Variants in ABCC4 observed in about 807,000 individuals in gnomAD.
The protein encoded by ABCC4 is ATP binding cassette subfamily C member 4 (PEL blood group).
A neutral mutation model predicts 168.5 loss-of-function variants in ABCC4; 102 were observed. That is an observed-to-expected ratio of 0.61 (90% CI 0.52 to 0.71). ABCC4 has a LOEUF of 0.71. ABCC4 is among the 30% of genes least tolerant of loss of function. The pLI, the probability that ABCC4 is intolerant of heterozygous loss-of-function variation, is 0.00. For missense variants in ABCC4, 1,402 were observed against 1,605.8 expected, an observed-to-expected ratio of 0.87 and a Z score of 2.17; for synonymous variants, 617 against 590.7, an observed-to-expected ratio of 1.04 and a Z score of -0.65.
chr13:95,268,960 G>A (rs554703753), intron 1 of ABCC4, among the ~76,000 whole-genome samples: 1 of 152,136 alleles, frequency 6.6e-6, no homozygotes, highest in East Asian at 1.9e-4. Flanking sequence ...CGTCCCACCC[G>A]ATGAGAAACA....
chr13:95,100,488 G>A (rs2034758431), intron 20 of ABCC4, among the ~76,000 whole-genome samples: 1 of 152,122 alleles, frequency 6.6e-6, no homozygotes, highest in South Asian at 2.1e-4. Flanking sequence ...AAAAGAAAAG[G>A]TAAAGGAATT....
intron 11 of ABCC4, among the ~76,000 whole-genome samples, chr13:95,182,875 C>T (rs143316360): frequency 1.9e-3 from 291 of 152,262 alleles, no homozygotes; most frequent in African/African-American, 6.4e-3. Context: ...TCATTTGCTA[C>T]GATATCTCTT....
At chr13:95,025,623 T>C in intron 30 of ABCC4, among the ~76,000 whole-genome samples, 1 of 151,144 alleles carries the variant, frequency 6.6e-6, no homozygotes, top group Admixed American at 6.6e-5. Flanking sequence ...CTATCTGGTC[T>C]AGGAAGAGTT....
Position 95,053,078 on chromosome 13 carries a change from T to A in ABCC4, c.3456+17A>T, listed in dbSNP as rs1274149133. On this transcript the variant is annotated intron_variant, in intron 27 of 30. Coordinates refer to ENST00000645237, the MANE Select transcript of ABCC4 (RefSeq NM_005845.5). Reference sequence around the variant, plus strand: ...CTGAGGCTAACAGACTAAAGATAATTACATTTTATCAATTACCTCTTGTAA... The same window carrying A: ...CTGAGGCTAACAGACTAAAGATAATAACATTTTATCAATTACCTCTTGTAA... The A allele has an allele frequency of 6.3e-7, 1 of 1,599,872 alleles. No homozygotes were observed. The highest frequency in any genetic ancestry group is 8.6e-7 in the Non-Finnish European group (1 of 1,167,024).
At chr13:95,210,817 T>C in intron 4 of ABCC4, 36 bp from the exon 5 acceptor site, 2 of 1,516,932 alleles carry the variant, frequency 1.3e-6, no homozygotes, top group Non-Finnish European at 1.8e-6. Flanking sequence ...ATTGTATTCA[T>C]GCAGTGATAC....
intron 19 of ABCC4, among the ~76,000 whole-genome samples, chr13:95,117,255 TAA>T (rs5805902): frequency 1.5e-3 from 207 of 135,938 alleles, no homozygotes; most frequent in Non-Finnish European, 1.7e-3. Context: ...TCATGCCTGT[TAA>T]AAAAAAAAAA....
At chr13:95,050,130 C>T (rs1279283328) in intron 27 of ABCC4, among the ~76,000 whole-genome samples, 4 of 152,168 alleles carry the variant, frequency 2.6e-5, no homozygotes, top group African/African-American at 9.7e-5. Flanking sequence ...GCACCAGAGT[C>T]GTGGTGCTGA....
At chr13:95,144,163 T>C (rs2036409937) in intron 19 of ABCC4, among the ~76,000 whole-genome samples, 1 of 152,062 alleles carries the variant, frequency 6.6e-6, no homozygotes, top group African/African-American at 2.4e-5. Context: ...TTTTTAAACA[T>C]ATGATTAATA....
At position 95,181,164 on chromosome 13, in the gene ABCC4, T is replaced by C. The variant is rs75384596; in HGVS notation, c.1546-3073A>G. ...TTTACTGAAATGCAGACACAGAAAC[T>C]AGAGAAAAACCATGACGTGGCTATG... On this transcript the variant is annotated intron_variant, in intron 11 of 30. Transcript: ENST00000645237. Among the ~76,000 whole-genome samples the C allele has an allele frequency of 3.3e-5, 5 of 152,286 alleles. No individual in the cohort carries two copies. In the East Asian group the frequency reaches 7.7e-4, roughly 23 times the overall value.
chr13:95,244,045 T>C (rs890051471), intron 3 of ABCC4, among the ~76,000 whole-genome samples: 1 of 152,128 alleles, frequency 6.6e-6, no homozygotes, highest in Non-Finnish European at 1.5e-5. Flanking sequence ...CCAATCTGAT[T>C]TCCCACAGCC....
intron 3 of ABCC4, among the ~76,000 whole-genome samples, chr13:95,240,658 G>A (rs967306168): frequency 2.6e-5 from 4 of 152,066 alleles, no homozygotes; most frequent in Non-Finnish European, 5.9e-5. Context: ...GGTAGAGAGA[G>A]GCTTAGTATT....
rs9516519 is a variant in ABCC4 at position 95,020,203 on chromosome 13, T to A, written c.*1372A>T. ...TTAAGGCTTCACTCAATAAAACATC[T>A]GTTGCTCTCTGCTGATGAGCAAAAA... On this transcript the variant is annotated 3_prime_UTR_variant, in exon 31 of 31. Coordinates refer to ENST00000645237, the MANE Select transcript of ABCC4 (RefSeq NM_005845.5). 1.3e-5 allele frequency: 2 copies of A among 152,310 alleles called. No homozygotes were observed. The highest frequency in any genetic ancestry group is 1.3e-4 in the Admixed American group (2 of 15,298). 9.4% of individuals were successfully genotyped at this position (152,310 alleles called of 1,614,324 possible). A position where few individuals can be genotyped will look rare whatever the true frequency, so the allele number is the denominator to read the frequency against.
At chr13:95,174,038 A>C (rs930941577) in intron 13 of ABCC4, among the ~76,000 whole-genome samples, 5 of 152,230 alleles carry the variant, frequency 3.3e-5, no homozygotes, top group Admixed American at 6.5e-5. Flanking sequence ...CAGCAGCCTG[A>C]ATGGACTAAG....
At chr13:95,062,682 A>G in intron 26 of ABCC4, 22 bp downstream of exon 26, 1 of 1,607,406 alleles carries the variant, frequency 6.2e-7, no homozygotes. Flanking sequence ...AGGGGCAGGT[A>G]AGGACGCTAT....
chr13:95,108,651 T>A (rs1047179354), intron 20 of ABCC4, among the ~76,000 whole-genome samples: 10 of 151,998 alleles, frequency 6.6e-5, no homozygotes, highest in East Asian at 3.9e-4. Flanking sequence ...CTTTTTTTTT[T>A]TTTTATTTTA....
chr13:95,036,152 C>G lies in ABCC4; in HGVS notation c.3736-1413G>C, dbSNP rs894204543. On this transcript the variant is annotated intron_variant, in intron 29 of 30. Coordinates refer to ENST00000645237, the MANE Select transcript of ABCC4 (RefSeq NM_005845.5). ...TACAGAACATAACCACTCCTCCTGA[C>G]GAGGAAGGAAAAAATCTGCAATTTA... Among the ~76,000 whole-genome samples the G allele has an allele frequency of 3.9e-5, 6 of 151,992 alleles. No homozygotes were observed. The South Asian group carries it at 1.2e-3, about 31-fold the overall frequency.
intron 25 of ABCC4, among the ~76,000 whole-genome samples, chr13:95,069,601 T>C (rs1348691640): frequency 2.6e-5 from 4 of 152,130 alleles, no homozygotes; most frequent in Non-Finnish European, 4.4e-5. Flanking sequence ...CTGTACCCAT[T>C]AAACACTAAT....
intron 29 of ABCC4, 134 bp from the exon 30 acceptor site, chr13:95,034,873 T>C: frequency 1.6e-6 from 2 of 1,254,952 alleles, no homozygotes; most frequent in Non-Finnish European, 2.2e-6. Flanking sequence ...AGTATTTAAA[T>C]GGTTTGATTA....
intron 1 of ABCC4, among the ~76,000 whole-genome samples, chr13:95,293,525 G>A (rs1566607050): frequency 6.6e-6 from 1 of 151,576 alleles, no homozygotes; most frequent in South Asian, 2.1e-4. Context: ...GGAGTGCAGT[G>A]GCGTGATCTT....
Sources: allele counts gnomAD v4.1 joint callset (sites outside exome capture counted in the v4.1 genomes callset), GRCh38; gene constraint gnomAD v4.1.1; transcripts MANE v1.5; gene names NCBI Gene and HGNC (gene_info 2026-07-23, HGNC 2026-07-21).